The following CDYL variants were observed in gnomAD, a reference collection of about 807,000 sequenced individuals.
CDYL encodes chromodomain Y-like protein.
In CDYL, 8 loss-of-function variants were observed where a neutral mutation model predicts 47.3. That is an observed-to-expected ratio of 0.17 (90% confidence interval 0.10 to 0.31). CDYL has a LOEUF of 0.31. Among genes scored for constraint, CDYL ranks in the 10% least tolerant of loss-of-function variants. The pLI is 1.00. For synonymous variants in CDYL, 266 were observed against 265.0 expected (o/e 1.00, Z -0.04); for missense variants, 471 against 701.4 (o/e 0.67, Z 3.71).
intron 1 of CDYL, among the ~76,000 whole-genome samples, chr6:4,854,928 T>C (rs909890534): frequency 2.0e-5 from 3 of 152,200 alleles, no homozygotes; most frequent in African/African-American, 4.8e-5. Context: ...CCAAGACTCA[T>C]GTTGAGAGTC....
intron 1 of CDYL, among the ~76,000 whole-genome samples, chr6:4,821,969 TTTTA>T (rs1233854743): frequency 2.0e-5 from 3 of 151,964 alleles, no homozygotes; most frequent in Non-Finnish European, 4.4e-5. Flanking sequence ...TAAATCAGCT[TTTTA>T]TTTATTTATT....
chr6:4,809,083 C>A (rs1248138081), intron 1 of CDYL, among the ~76,000 whole-genome samples: 1 of 152,160 alleles, frequency 6.6e-6, no homozygotes, highest in East Asian at 1.9e-4. Context: ...CTGTGGGTGA[C>A]CAGTCTCTTT....
chr6:4,788,438 A>G (rs907250142), intron 1 of CDYL, among the ~76,000 whole-genome samples: 2 of 125,692 alleles, frequency 1.6e-5, no homozygotes, highest in African/African-American at 5.9e-5. Flanking sequence ...AGCCGAGATC[A>G]CCTCACTGCA....
At chr6:4,867,995 C>T (rs530295485) in intron 1 of CDYL, among the ~76,000 whole-genome samples, 1 of 151,968 alleles carries the variant, frequency 6.6e-6, no homozygotes, top group South Asian at 2.1e-4. Context: ...TGTCATCTCT[C>T]TTCTTTTTTT....
chr6:4,748,421 T>C (rs1416879685), intron 3 of CDYL, among the ~76,000 whole-genome samples: 4 of 151,922 alleles, frequency 2.6e-5, no homozygotes, highest in African/African-American at 9.7e-5. Flanking sequence ...ACAGGCTATA[T>C]GGCAAATGTC....
chr6:4,899,591 T>C (rs73348359), intron 2 of CDYL, among the ~76,000 whole-genome samples: 9,272 of 152,266 alleles, frequency 0.061, 1,025 homozygotes, highest in African/African-American at 0.21. Context: ...GTTTCATCTC[T>C]CTGGTAATGA....
intron 1 of CDYL, among the ~76,000 whole-genome samples, chr6:4,807,770 A>AT (rs1759414187): frequency 6.6e-6 from 1 of 150,936 alleles, no homozygotes; most frequent in African/African-American, 2.4e-5. Context: ...CACCTGACTA[A>AT]TTTTTAATTT....
chr6:4,745,702 G>A (rs971726857), intron 3 of CDYL, among the ~76,000 whole-genome samples: 4 of 152,238 alleles, frequency 2.6e-5, no homozygotes, highest in South Asian at 2.1e-4. Flanking sequence ...AGAACAGGGC[G>A]TCCAGTGCTG....
At chr6:4,813,670 G>A (rs914558494) in intron 1 of CDYL, among the ~76,000 whole-genome samples, 3 of 152,146 alleles carry the variant, frequency 2.0e-5, no homozygotes, top group African/African-American at 7.2e-5. Flanking sequence ...TTATCCGATT[G>A]TTATTAGAAT....
chr6:4,892,946 T>C (rs1471628388), intron 2 of CDYL, among the ~76,000 whole-genome samples: 3 of 152,128 alleles, frequency 2.0e-5, no homozygotes, highest in Non-Finnish European at 4.4e-5. Flanking sequence ...GTGTCCTCTG[T>C]TTTACTCTCA....
chr6:4,780,534 G>T (rs1758590816), intron 1 of CDYL, among the ~76,000 whole-genome samples: 1 of 151,774 alleles, frequency 6.6e-6, no homozygotes, highest in Non-Finnish European at 1.5e-5. Context: ...CTCCCAAAGT[G>T]CTGGGATTAC....
intron 5 of CDYL, among the ~76,000 whole-genome samples, chr6:4,950,447 C>T (rs1449217101): frequency 6.6e-6 from 1 of 152,222 alleles, no homozygotes; most frequent in Admixed American, 6.5e-5. Context: ...CCCGACAGCA[C>T]AGAGCACTTC....
chr6:4,797,271 T>G (rs1029034789), intron 1 of CDYL, among the ~76,000 whole-genome samples: 14 of 152,208 alleles, frequency 9.2e-5, no homozygotes, highest in Non-Finnish European at 1.8e-4. Context: ...AGATTAATTT[T>G]AACTTTAGAA....
chr6:4,840,262 A>G (rs1179290239), intron 1 of CDYL, among the ~76,000 whole-genome samples: 2 of 152,018 alleles, frequency 1.3e-5, no homozygotes, highest in Non-Finnish European at 2.9e-5. Context: ...TTAGCTTTGT[A>G]TCCTGGAACT....
intron 2 of CDYL, among the ~76,000 whole-genome samples, chr6:4,910,573 G>C (rs139108267): frequency 2.0e-3 from 299 of 152,332 alleles, no homozygotes; most frequent in African/African-American, 6.8e-3. Flanking sequence ...TGCACAAAAG[G>C]TTATAACATA....
At chr6:4,756,185 G>A (rs976040900) in intron 3 of CDYL, among the ~76,000 whole-genome samples, 3 of 152,132 alleles carry the variant, frequency 2.0e-5, no homozygotes, top group African/African-American at 7.2e-5. Flanking sequence ...CTTTCAGAAG[G>A]CAGCAGTTGC....
exon 2 of CDYL, chr6:4,715,784 A>G: frequency 6.2e-7 from 1 of 1,614,178 alleles, no homozygotes. Context: ...ATTTTATGAC[A>G]TTTCAGGCAA....
At chr6:4,724,749 G>C (rs1231121640) in intron 2 of CDYL, 1 of 152,216 alleles carries the variant, frequency 6.6e-6, no homozygotes, top group Non-Finnish European at 1.5e-5. Context: ...CTTCAGGAGT[G>C]AAGCTGCAAA....
chr6:4,888,998 ATGG>A (rs1761968705), intron 1 of CDYL, among the ~76,000 whole-genome samples: 1 of 152,210 alleles, frequency 6.6e-6, no homozygotes, highest in Non-Finnish European at 1.5e-5. Flanking sequence ...GACTTAGCAT[ATGG>A]TCTGTGCTGG....
Sources: allele counts gnomAD v4.1 joint callset (sites outside exome capture counted in the v4.1 genomes callset), GRCh38; gene constraint gnomAD v4.1.1; transcripts MANE v1.5; gene names NCBI Gene and HGNC (gene_info 2026-07-23, HGNC 2026-07-21).